UGT1A7: variants seen among roughly 807,000 people sequenced by gnomAD.
UGT1A7 encodes UDP-glucuronosyltransferase 1A7.
In UGT1A7, 33 loss-of-function variants were observed where a neutral mutation model predicts 45.6. The observed-to-expected ratio is 0.72, with a 90% CI of 0.55 to 0.97. The LOEUF is 0.97. UGT1A7 is among the 50% of genes least tolerant of loss of function. The probability of loss-of-function intolerance (pLI) is 0.00; values close to 1 mark genes in which losing one functional copy is unlikely to be tolerated. For synonymous variants in UGT1A7, 274 were observed against 250.6 expected (o/e 1.09, Z -0.88); for missense variants, 684 against 666.2 (o/e 1.03, Z -0.29).
At position 233,772,409 on chromosome 2, in the gene UGT1A7, C is replaced by T. The variant is rs147132183; in HGVS notation, c.1443C>T (p.Tyr481=). The part of the protein sequence containing the change: ...LRPAAHDLTW[Y]QYHSLDVIGF... ...CCGCAGCCCACGACCTCACCTGGTA[C>T]CAGTACCATTCCTTGGACGTGATTG... is the stretch of plus-strand genomic sequence containing the variant. Residue 481 remains tyrosine (Y), a synonymous_variant, in exon 5 of 5, where the codon TAC becomes TAT. Coordinates refer to ENST00000373426, the MANE Select transcript of UGT1A7 (RefSeq NM_019077.3). 8.1e-6 allele frequency: 13 copies of T among 1,614,110 alleles called. No homozygotes were observed. In the African/African-American group the frequency reaches 1.2e-4, roughly 15 times the overall value.
At position 233,713,108 on chromosome 2, in the gene UGT1A7, C is replaced by T. The variant is rs752381189; in HGVS notation, c.855+30316C>T. Reference sequence around the variant, plus strand: ...TGCTGGTGGTGCCCACTGATGGCAGCCACTGGCTCAGCATGCGGGAGGCCT... The same window carrying T: ...TGCTGGTGGTGCCCACTGATGGCAGTCACTGGCTCAGCATGCGGGAGGCCT... On this transcript the variant is annotated intron_variant, in intron 1 of 4. Coordinates refer to ENST00000373426, the MANE Select transcript of UGT1A7 (RefSeq NM_019077.3). The T allele has an allele frequency of 2.3e-5, 37 of 1,614,062 alleles. No homozygotes were observed. The South Asian group carries it at 3.5e-4, about 15-fold the overall frequency.
intron 1 of UGT1A7, chr2:233,747,813 A>T (rs1693784433): frequency 6.2e-7 from 1 of 1,613,434 alleles, no homozygotes; most frequent in African/African-American, 1.3e-5. Context: ...ACTAACGACC[A>T]ATTCAGACCA....
At chr2:233,687,001 A>G (rs1049293019) in intron 1 of UGT1A7, among the ~76,000 whole-genome samples, 2 of 152,224 alleles carry the variant, frequency 1.3e-5, no homozygotes, top group Non-Finnish European at 2.9e-5. Flanking sequence ...TGGTTTCAAC[A>G]CTAGAGGACT....
At chr2:233,685,745 T>C (rs1337850077) in intron 1 of UGT1A7, among the ~76,000 whole-genome samples, 1 of 152,248 alleles carries the variant, frequency 6.6e-6, no homozygotes, top group Non-Finnish European at 1.5e-5. Context: ...CCATTTTTTC[T>C]TCCATTTTAA....
At chr2:233,765,342 T>G (rs1698805328) in intron 1 of UGT1A7, among the ~76,000 whole-genome samples, 1 of 152,198 alleles carries the variant, frequency 6.6e-6, no homozygotes. Flanking sequence ...AATAACAAAG[T>G]CATGGAACCA....
Position 233,682,730 on chromosome 2 carries a change from GT to G in UGT1A7, c.794del (p.Val265GlyfsTer5), listed in dbSNP as rs1559340015. 6.2e-7 allele frequency: 1 copy of G among 1,613,822 alleles called. No homozygotes were observed. Among genetic ancestry groups the G allele is most frequent in the Admixed American group, 1.7e-5 (1 of 60,004 alleles). On this transcript the variant is annotated frameshift_variant, in exon 1 of 5. Transcript: ENST00000373426. LOFTEE classifies it high-confidence loss of function. ...CTTTGTTTTGGAGTATCCCAAACCCGTGATGCCCAATATGATCTTCATTGGT... is the reference window on the plus strand; with the variant it reads ...CTTTGTTTTGGAGTATCCCAAACCCGGATGCCCAATATGATCTTCATTGGT... Reference protein sequence around the residue: ...TDFVLEYPKPVMPNMIFIGGI... With the variant: ...TDFVLEYPKPXMPNMIFIGGI...
intron 1 of UGT1A7, among the ~76,000 whole-genome samples, chr2:233,685,550 T>C (rs1451608117): frequency 1.3e-5 from 2 of 152,224 alleles, no homozygotes; most frequent in Non-Finnish European, 2.9e-5. Flanking sequence ...CTGTTTTTGA[T>C]CCAAATTCAA....
intron 1 of UGT1A7, among the ~76,000 whole-genome samples, chr2:233,701,500 G>C (rs2075632905): frequency 6.6e-6 from 1 of 152,066 alleles, no homozygotes; most frequent in Admixed American, 6.5e-5. Flanking sequence ...GGACCTAATA[G>C]ACATCTACAG....
intron 1 of UGT1A7, among the ~76,000 whole-genome samples, chr2:233,761,384 C>T (rs564518186): frequency 1.3e-5 from 2 of 152,326 alleles, no homozygotes; most frequent in South Asian, 4.1e-4. Flanking sequence ...ACTCTGTGTG[C>T]TCCAGTGGAT....
chr2:233,751,523 AT>A (rs1694748821), intron 1 of UGT1A7, among the ~76,000 whole-genome samples: 1 of 152,210 alleles, frequency 6.6e-6, no homozygotes, highest in Admixed American at 6.5e-5. Context: ...GCAGAATGAT[AT>A]GGTTTGACTC....
intron 1 of UGT1A7, chr2:233,691,202 G>T: frequency 2.0e-6 from 2 of 985,608 alleles, no homozygotes; most frequent in Non-Finnish European, 2.4e-6. Flanking sequence ...CCTGAGCTCT[G>T]TTCCCTTTGC....
Position 233,772,682 on chromosome 2 carries a change from G to T in UGT1A7, c.*123G>T. 2.0e-6 allele frequency: 3 copies of T among 1,494,758 alleles called. No individual in the cohort carries two copies. Among genetic ancestry groups the T allele is most frequent in the East Asian group, 2.5e-5 (1 of 40,656 alleles). 92.6% of individuals were successfully genotyped at this position (1,494,758 alleles called of 1,614,324 possible). A position where few individuals can be genotyped will look rare whatever the true frequency, so the allele number is the denominator to read the frequency against. ...GGAAATACTTTGCATAAATTAATCA[G>T]CCCCAGAGTGCTTTAAAAAATTCTC... On this transcript the variant is annotated 3_prime_UTR_variant, in exon 5 of 5. Coordinates refer to ENST00000373426, the MANE Select transcript of UGT1A7 (RefSeq NM_019077.3).
chr2:233,747,312 G>T, intron 1 of UGT1A7: 1 of 1,603,228 alleles, frequency 6.2e-7, no homozygotes, highest in Non-Finnish European at 8.5e-7. Context: ...AGGTGCTGGT[G>T]GTACCCATTG....
At chr2:233,717,850 A>G (rs2076611258) in intron 1 of UGT1A7, 2 of 454,974 alleles carry the variant, frequency 4.4e-6, no homozygotes, top group African/African-American at 4.0e-5. Flanking sequence ...TCTTATCAGA[A>G]CTTGGTGCTG....
intron 1 of UGT1A7, among the ~76,000 whole-genome samples, chr2:233,757,752 A>G (rs979747575): frequency 2.0e-5 from 3 of 151,642 alleles, no homozygotes; most frequent in African/African-American, 7.3e-5. Flanking sequence ...GGACATGTTT[A>G]TGTTGCTCCT....
chr2:233,693,633 C>T (rs368362776), intron 1 of UGT1A7: 3 of 1,614,064 alleles, frequency 1.9e-6, no homozygotes, highest in Admixed American at 3.3e-5. Flanking sequence ...CAACGAGTGG[C>T]CAACTTCCTT....
intron 1 of UGT1A7, chr2:233,713,099 T>C (rs1323075869): frequency 1.2e-6 from 2 of 1,614,072 alleles, no homozygotes; most frequent in Admixed American, 1.7e-5. Flanking sequence ...TGGTGCCCAC[T>C]GATGGCAGCC....
intron 1 of UGT1A7, among the ~76,000 whole-genome samples, chr2:233,734,500 T>C (rs1353975752): frequency 6.6e-6 from 1 of 152,210 alleles, no homozygotes; most frequent in Non-Finnish European, 1.5e-5. Context: ...GGTTTTTTTG[T>C]GTCTCTATCT....
intron 4 of UGT1A7, 141 bp from the exon 5 acceptor site, chr2:233,772,121 A>G (rs1700464969): frequency 3.3e-6 from 5 of 1,536,424 alleles, no homozygotes; most frequent in East Asian, 2.5e-5. Flanking sequence ...TCTAAAAACA[A>G]CAACAACAAC....
Sources: gnomAD v4.1 joint callset for allele counts (sites outside exome capture counted in the v4.1 genomes callset) on GRCh38, gnomAD v4.1.1 for gene constraint, MANE v1.5 for transcripts, NCBI Gene and HGNC (gene_info 2026-07-23, HGNC 2026-07-21) for gene names.